Variants in KLHL13 observed in about 807,000 individuals in gnomAD.
KLHL13 encodes kelch-like protein 13.
KLHL13 carries 10 observed loss-of-function variants against 37.1 expected under a neutral mutation model. That is an observed-to-expected ratio of 0.27 (90% CI 0.17 to 0.46). The LOEUF (loss-of-function observed/expected upper bound fraction) is 0.46. Among genes scored for constraint, KLHL13 ranks in the 20% least tolerant of loss-of-function variants. KLHL13 has a pLI of 1.00. For missense variants in KLHL13, 360 were observed against 509.3 expected (o/e 0.71, Z 2.82); for synonymous variants, 163 against 181.2 (o/e 0.90, Z 0.81).
intron 1 of KLHL13, among the ~76,000 whole-genome samples, chrX:118,076,428 G>T (rs1392404623): frequency 1.8e-5 from 2 of 111,436 alleles, no homozygotes; most frequent in East Asian, 5.6e-4. Flanking sequence ...CATTTAGTTA[G>T]ACCTTTCCAG....
chrX:118,096,800 G>A (rs777491522), intron 1 of KLHL13, among the ~76,000 whole-genome samples: 116 of 111,684 alleles, frequency 1.0e-3, no homozygotes, highest in Middle Eastern at 4.6e-3. Context: ...ACGTAATCCA[G>A]CATATAAACA....
At chrX:118,084,674 G>T (rs775790848) in intron 1 of KLHL13, among the ~76,000 whole-genome samples, 116 of 111,411 alleles carry the variant, frequency 1.0e-3, no homozygotes, top group African/African-American at 3.6e-3. Context: ...CTCTATGTAG[G>T]AGACTATTTA....
chrX:117,934,333 T>C (rs142981434), intron 2 of KLHL13, among the ~76,000 whole-genome samples: 9,386 of 111,023 alleles, frequency 0.085, 353 homozygotes, highest in Middle Eastern at 0.14. Context: ...TATAAATAAA[T>C]TGAGGTTTAT....
intron 1 of KLHL13, among the ~76,000 whole-genome samples, chrX:118,008,946 G>A (rs2054021155): frequency 2.7e-5 from 3 of 111,528 alleles, no homozygotes; most frequent in Non-Finnish European, 3.8e-5. Flanking sequence ...ACAAAGTAAC[G>A]CTATTTAAGT....
chrX:117,959,001 T>C (rs1000576667), intron 1 of KLHL13, among the ~76,000 whole-genome samples: 4 of 111,829 alleles, frequency 3.6e-5, no homozygotes, highest in African/African-American at 9.7e-5. Context: ...TCACACAATA[T>C]TCACTATTCA....
chrX:118,040,022 C>T (rs895180835), intron 1 of KLHL13, among the ~76,000 whole-genome samples: 2 of 111,457 alleles, frequency 1.8e-5, no homozygotes, highest in African/African-American at 6.5e-5. Context: ...TTTGCAAGAG[C>T]CACAGCGTTA....
intron 1 of KLHL13, among the ~76,000 whole-genome samples, chrX:118,111,828 G>A (rs1327158072): frequency 8.9e-6 from 1 of 112,115 alleles, no homozygotes; most frequent in Non-Finnish European, 1.9e-5. Context: ...GGAGGCGGAG[G>A]TTGCAGTGAG....
At chrX:118,014,097 T>C (rs2054100410) in intron 1 of KLHL13, among the ~76,000 whole-genome samples, 1 of 112,078 alleles carries the variant, frequency 8.9e-6, no homozygotes, top group Non-Finnish European at 1.9e-5. Context: ...ATAACAGTGA[T>C]TTTCAGGGAA....
intron 1 of KLHL13, among the ~76,000 whole-genome samples, chrX:118,036,542 G>A (rs1011274599): frequency 8.9e-6 from 1 of 111,919 alleles, no homozygotes; most frequent in Non-Finnish European, 1.9e-5. Flanking sequence ...CTAGCCATAT[G>A]TAGAAAGCTG....
At chrX:118,114,103 C>T (rs987211226) in intron 1 of KLHL13, among the ~76,000 whole-genome samples, 6 of 112,133 alleles carry the variant, frequency 5.4e-5, no homozygotes, top group Non-Finnish European at 1.1e-4. Context: ...AAAAATACAT[C>T]GGTTTCAATC....
chrX:118,047,138 A>AT (rs1221777920), intron 1 of KLHL13, among the ~76,000 whole-genome samples: 2 of 111,335 alleles, frequency 1.8e-5, no homozygotes, highest in East Asian at 2.8e-4. Flanking sequence ...GGTTGTGTTT[A>AT]TTTTTTTTAA....
At chrX:118,033,133 AG>A (rs768075982) in intron 1 of KLHL13, among the ~76,000 whole-genome samples, 9 of 110,512 alleles carry the variant, frequency 8.1e-5, no homozygotes, top group African/African-American at 2.3e-4. Context: ...CCTGAAAGTG[AG>A]GGGGGGGAAT....
upstream of KLHL13, among the ~76,000 whole-genome samples, chrX:117,977,914 G>GT (rs1464308234): frequency 8.9e-6 from 1 of 112,042 alleles, no homozygotes; most frequent in African/African-American, 3.2e-5. Flanking sequence ...GTGTTTGTGT[G>GT]TATCTCTTAA....
chrX:117,956,034 C>G (rs1022286707), intron 1 of KLHL13, among the ~76,000 whole-genome samples: 1 of 111,292 alleles, frequency 9.0e-6, no homozygotes, highest in African/African-American at 3.3e-5. Context: ...TACTACACTC[C>G]TAGAAAGCCA....
chrX:118,059,804 C>G (rs2054722097), intron 1 of KLHL13, among the ~76,000 whole-genome samples: 1 of 110,918 alleles, frequency 9.0e-6, no homozygotes, highest in Admixed American at 9.7e-5. Context: ...CCCTTCCATT[C>G]TCAGGGAAGA....
At chrX:117,978,778 C>T (rs1389958653) in intron 1 of KLHL13, among the ~76,000 whole-genome samples, 1 of 100,135 alleles carries the variant, frequency 1.0e-5, no homozygotes, top group African/African-American at 4.1e-5. Flanking sequence ...ACTATCTATA[C>T]TCTTTATGGC....
At chrX:117,992,667 T>C (rs942930209) in intron 1 of KLHL13, among the ~76,000 whole-genome samples, 3 of 110,309 alleles carry the variant, frequency 2.7e-5, no homozygotes, top group Non-Finnish European at 5.7e-5. Flanking sequence ...TAGTAGATTG[T>C]GGCTGCCTCT....
intron 1 of KLHL13, among the ~76,000 whole-genome samples, chrX:118,100,516 A>G (rs1350651973): frequency 9.0e-6 from 1 of 111,562 alleles, no homozygotes; most frequent in Non-Finnish European, 1.9e-5. Context: ...AGCAAAAACG[A>G]GAACCCATTA....
At chrX:118,038,531 A>T (rs949268342) in intron 1 of KLHL13, among the ~76,000 whole-genome samples, 1 of 111,007 alleles carries the variant, frequency 9.0e-6, no homozygotes, top group Non-Finnish European at 1.9e-5. Context: ...TTCCATTGGA[A>T]CTCAGTGCTA....
Sources: allele counts gnomAD v4.1 joint callset (sites outside exome capture counted in the v4.1 genomes callset), GRCh38; gene constraint gnomAD v4.1.1; transcripts MANE v1.5; gene names NCBI Gene and HGNC (gene_info 2026-07-23, HGNC 2026-07-21).